The following MRAS variants were observed in gnomAD, a reference collection of about 807,000 sequenced individuals.
MRAS encodes ras-related protein M-Ras.
MRAS carries 4 observed loss-of-function variants against 20.9 expected under a neutral mutation model. That is an observed-to-expected ratio of 0.19 (90% CI 0.09 to 0.44). The LOEUF is 0.44. Among genes scored for constraint, MRAS ranks in the 20% least tolerant of loss-of-function variants. MRAS has a pLI of 0.99. For synonymous variants in MRAS, 98 were observed against 102.9 expected, an observed-to-expected ratio of 0.95 and a Z score of 0.29; for missense variants, 154 against 277.5, an observed-to-expected ratio of 0.56 and a Z score of 3.16.
chr3:138,348,285 C>G (rs2054154564), upstream of MRAS: 2 of 152,270 alleles, frequency 1.3e-5, no homozygotes, highest in African/African-American at 4.8e-5. Context: ...ACTCGGCGTC[C>G]ACCTTAAAGC....
chr3:138,382,520 A>G (rs2054926078), intron 2 of MRAS, among the ~76,000 whole-genome samples: 1 of 152,168 alleles, frequency 6.6e-6, no homozygotes, highest in African/African-American at 2.4e-5. Context: ...AGTTGGTAAA[A>G]TAGTGAAGTA....
At chr3:138,379,429 A>G (rs1360199844) in intron 2 of MRAS, among the ~76,000 whole-genome samples, 1 of 134,140 alleles carries the variant, frequency 7.5e-6, no homozygotes, top group Non-Finnish European at 1.5e-5. Flanking sequence ...CAGTGGCACG[A>G]TCACTGCAAC....
intron 2 of MRAS, among the ~76,000 whole-genome samples, chr3:138,382,950 C>A (rs2054935404): frequency 6.6e-6 from 1 of 152,182 alleles, no homozygotes; most frequent in East Asian, 1.9e-4. Flanking sequence ...ATGCCACCTT[C>A]CCTGGGCCTC....
chr3:138,358,621 C>T (rs942689606), intron 1 of MRAS, among the ~76,000 whole-genome samples: 1 of 152,216 alleles, frequency 6.6e-6, no homozygotes, highest in African/African-American at 2.4e-5. Context: ...ATGTGCTGGG[C>T]ATTGGAGATA....
chr3:138,398,237 C>G (rs1055558669), intron 3 of MRAS, among the ~76,000 whole-genome samples: 1 of 152,236 alleles, frequency 6.6e-6, no homozygotes, highest in African/African-American at 2.4e-5. Context: ...GTCCTCACCA[C>G]TGGCCTTGCA....
chr3:138,398,683 T>A, intron 4 of MRAS, 115 bp downstream of exon 4: 1 of 869,382 alleles, frequency 1.2e-6, no homozygotes, highest in East Asian at 2.5e-5. Context: ...AGGGCTCCCC[T>A]TAGTTTAAGT....
intron 2 of MRAS, among the ~76,000 whole-genome samples, chr3:138,390,163 C>A (rs2055102133): frequency 1.3e-5 from 2 of 151,940 alleles, no homozygotes; most frequent in Admixed American, 6.6e-5. Context: ...TGGTGCTCCT[C>A]CATGCTGGCT....
chr3:138,351,837 T>G (rs2054233526), intron 1 of MRAS, among the ~76,000 whole-genome samples: 1 of 152,148 alleles, frequency 6.6e-6, no homozygotes, highest in African/African-American at 2.4e-5. Context: ...AATATGTTGA[T>G]GAGAAGCCCA....
intron 2 of MRAS, among the ~76,000 whole-genome samples, chr3:138,386,257 C>T (rs981747211): frequency 1.3e-5 from 2 of 151,784 alleles, no homozygotes; most frequent in Non-Finnish European, 2.9e-5. Flanking sequence ...CCCATGAGCA[C>T]TCACTCTCCA....
rs147291007 is a variant in MRAS, at chr3:138,356,241, T to C, written c.-19+7474T>C. 1.0e-3 allele frequency among the ~76,000 whole-genome samples: 158 copies of C among 152,340 alleles called. 1 individual carries two copies. The highest frequency in any genetic ancestry group is 2.9e-3 in the Admixed American group (44 of 15,310). On this transcript the variant is annotated intron_variant, in intron 1 of 5. Coordinates refer to ENST00000423968, the MANE Select transcript of MRAS (RefSeq NM_001085049.3). The stretch of plus-strand genomic sequence containing the variant: ...GCCCTAGTATACCAAGTACACAGAT[T>C]AAATGTAAAAGTATTTGTGGGCATG...
At chr3:138,359,418 G>A (rs886903845) in intron 1 of MRAS, among the ~76,000 whole-genome samples, 10 of 152,222 alleles carry the variant, frequency 6.6e-5, no homozygotes, top group African/African-American at 1.7e-4. Context: ...GCTTCAGTCC[G>A]TCTCTCTGCA....
chr3:138,377,643 CCTG>C (rs1227649139), intron 2 of MRAS, among the ~76,000 whole-genome samples: 6 of 152,278 alleles, frequency 3.9e-5, no homozygotes, highest in African/African-American at 1.4e-4. Context: ...TCCCAGGGGT[CCTG>C]CTCCCCTGAG....
Position 138,382,573 on chromosome 3 carries a change from C to T in MRAS, c.193+9497C>T, listed in dbSNP as rs926961957. Among the ~76,000 whole-genome samples the T allele has an allele frequency of 9.2e-5, 14 of 152,140 alleles. No individual in the cohort carries two copies. In the South Asian group the frequency reaches 1.2e-3, roughly 14 times the overall value. Reference sequence around the variant, plus strand: ...ATTGCTGCTGCTGCTGCCCTGCACCCGAGGGGCCCTTCCCAGACCCACTAG... The same window carrying T: ...ATTGCTGCTGCTGCTGCCCTGCACCTGAGGGGCCCTTCCCAGACCCACTAG... On this transcript the variant is annotated intron_variant, in intron 2 of 5. Coordinates refer to ENST00000423968, the MANE Select transcript of MRAS (RefSeq NM_001085049.3).
chr3:138,391,094 T>C (rs1161004522), intron 2 of MRAS, among the ~76,000 whole-genome samples: 1 of 152,234 alleles, frequency 6.6e-6, no homozygotes, highest in East Asian at 1.9e-4. Flanking sequence ...TTTTTAGATA[T>C]CAGCTACTTT....
intron 2 of MRAS, among the ~76,000 whole-genome samples, chr3:138,382,459 C>G (rs1403992759): frequency 6.6e-6 from 1 of 152,242 alleles, no homozygotes; most frequent in Non-Finnish European, 1.5e-5. Flanking sequence ...AAATCACTTT[C>G]CAGGTGAGCG....
At chr3:138,373,987 C>T (rs939976088) in intron 2 of MRAS, among the ~76,000 whole-genome samples, 9 of 151,738 alleles carry the variant, frequency 5.9e-5, no homozygotes, top group Non-Finnish European at 1.3e-4. Flanking sequence ...GACGGAGTCT[C>T]GCTCTGTCAC....
chr3:138,383,482 C>T (rs1307620185), intron 2 of MRAS, among the ~76,000 whole-genome samples: 2 of 152,082 alleles, frequency 1.3e-5, no homozygotes, highest in African/African-American at 4.8e-5. Context: ...AGATGTGAGC[C>T]ACTGTGTCTG....
intron 1 of MRAS, among the ~76,000 whole-genome samples, chr3:138,364,226 G>A (rs1437646353): frequency 6.6e-6 from 1 of 152,122 alleles, no homozygotes; most frequent in East Asian, 1.9e-4. Flanking sequence ...GTGTTGAACT[G>A]TCACCTGTGG....
chr3:138,348,087 C>A (rs1370328488), upstream of MRAS: 3 of 152,172 alleles, frequency 2.0e-5, no homozygotes, highest in East Asian at 5.8e-4. Flanking sequence ...AGAAGGCCTG[C>A]GGGGAGAGAC....
Sources: gnomAD v4.1 joint callset for allele counts (sites outside exome capture counted in the v4.1 genomes callset) on GRCh38, gnomAD v4.1.1 for gene constraint, MANE v1.5 for transcripts, NCBI Gene and HGNC (gene_info 2026-07-23, HGNC 2026-07-21) for gene names.